ADCY8: variants seen among roughly 807,000 people sequenced by gnomAD.
ADCY8 encodes adenylate cyclase 8, also known as adenylate cyclase type 8.
Under a neutral mutation model 119.7 loss-of-function variants are expected in ADCY8, and 51 were observed. That is an observed-to-expected ratio of 0.43 (90% confidence interval 0.34 to 0.54). The LOEUF (loss-of-function observed/expected upper bound fraction) is 0.54, where lower values mean the gene tolerates loss of function less well. ADCY8 is among the 20% of genes least tolerant of loss of function. The pLI, the probability that ADCY8 is intolerant of heterozygous loss-of-function variation, is 0.03. For synonymous variants in ADCY8, 665 were observed against 651.0 expected (o/e 1.02, Z -0.33); for missense variants, 1,383 against 1,598.8 (o/e 0.87, Z 2.30).
chr8:130,882,481 C>T (rs775231232), intron 8 of ADCY8, among the ~76,000 whole-genome samples: 27 of 152,212 alleles, frequency 1.8e-4, no homozygotes, highest in South Asian at 2.1e-4. Flanking sequence ...GAAGACAGCA[C>T]GGGATTGTCT....
chr8:130,843,083 A>G (rs1586470700), intron 11 of ADCY8, among the ~76,000 whole-genome samples: 1 of 152,098 alleles, frequency 6.6e-6, no homozygotes, highest in African/African-American at 2.4e-5. Context: ...TTATTCTAGG[A>G]CACATATTAA....
At chr8:130,837,638 C>T (rs569320770) in intron 11 of ADCY8, among the ~76,000 whole-genome samples, 1 of 152,326 alleles carries the variant, frequency 6.6e-6, no homozygotes, top group Admixed American at 6.5e-5. Context: ...AGCTCCCCAG[C>T]CTATTCCTTC....
At chr8:130,883,096 G>T (rs1180018684) in intron 8 of ADCY8, among the ~76,000 whole-genome samples, 1 of 150,774 alleles carries the variant, frequency 6.6e-6, no homozygotes, top group Admixed American at 6.6e-5. Flanking sequence ...CCTTAGATGT[G>T]AATGCTATTA....
chr8:130,997,249 A>G (rs1822806875), intron 1 of ADCY8, among the ~76,000 whole-genome samples: 4 of 151,690 alleles, frequency 2.6e-5, no homozygotes, highest in African/African-American at 7.2e-5. Flanking sequence ...ATATACATAT[A>G]TACATATACA....
intron 1 of ADCY8, among the ~76,000 whole-genome samples, chr8:131,034,630 C>G (rs771880226): frequency 6.6e-6 from 1 of 152,098 alleles, no homozygotes; most frequent in Non-Finnish European, 1.5e-5. Flanking sequence ...TTAAATCTGA[C>G]AGCATGACCT....
intron 1 of ADCY8, among the ~76,000 whole-genome samples, chr8:130,998,748 T>C (rs1438860326): frequency 6.6e-6 from 1 of 152,106 alleles, no homozygotes; most frequent in Non-Finnish European, 1.5e-5. Flanking sequence ...GGTGATGAGA[T>C]AGGGCCACAC....
At chr8:131,031,565 C>T (rs906150937) in intron 1 of ADCY8, among the ~76,000 whole-genome samples, 2 of 152,074 alleles carry the variant, frequency 1.3e-5, no homozygotes, top group South Asian at 2.1e-4. Flanking sequence ...TACAGTGGGG[C>T]CTAATGAGAG....
intron 12 of ADCY8, among the ~76,000 whole-genome samples, chr8:130,824,096 G>A (rs888949239): frequency 6.6e-6 from 1 of 152,160 alleles, no homozygotes; most frequent in Non-Finnish European, 1.5e-5. Flanking sequence ...GAGCCAGGAT[G>A]AGAACTCATA....
At chr8:131,004,560 TA>T (rs1823056129) in intron 1 of ADCY8, among the ~76,000 whole-genome samples, 1 of 152,220 alleles carries the variant, frequency 6.6e-6, no homozygotes, top group Admixed American at 6.5e-5. Flanking sequence ...GCTCACCCAT[TA>T]TGAACTCTGT....
At chr8:130,925,813 T>C (rs2130595855) in intron 5 of ADCY8, among the ~76,000 whole-genome samples, 1 of 152,334 alleles carries the variant, frequency 6.6e-6, no homozygotes, top group African/African-American at 2.4e-5. Flanking sequence ...CTTTGATGTG[T>C]TATCATCCCA....
chr8:130,924,958 C>T (rs1408568066), intron 5 of ADCY8, among the ~76,000 whole-genome samples: 1 of 151,462 alleles, frequency 6.6e-6, no homozygotes, highest in Admixed American at 6.6e-5. Context: ...CCTGTAATCC[C>T]AGCACTTTGG....
chr8:130,894,941 A>G (rs1819331763), intron 7 of ADCY8, among the ~76,000 whole-genome samples: 1 of 152,156 alleles, frequency 6.6e-6, no homozygotes, highest in Non-Finnish European at 1.5e-5. Context: ...GCTGTGTCAA[A>G]CAATAAAAGT....
At chr8:130,998,539 T>C (rs1333550994) in intron 1 of ADCY8, among the ~76,000 whole-genome samples, 4 of 152,134 alleles carry the variant, frequency 2.6e-5, no homozygotes, top group Admixed American at 2.6e-4. Flanking sequence ...AGCTTTTCTC[T>C]CCATGAGATG....
rs1054114260 is a variant in ADCY8 at position 131,040,412 on chromosome 8, C to T, written c.-79G>A. 24 of 1,398,078 alleles carry T rather than the reference C, an allele frequency of 1.7e-5. No homozygotes were observed. Among genetic ancestry groups the T allele is most frequent in the Admixed American group, 2.9e-5 (1 of 33,996 alleles). 86.6% of individuals were successfully genotyped at this position (1,398,078 alleles called of 1,614,324 possible). On this transcript the variant is annotated 5_prime_UTR_variant, in exon 1 of 18. Transcript: ENST00000286355. ...GGGGTTCCTAAAGACTCAAAGGCGG[C>T]CTGGTAGGAGCTTGGCAAGGATCCT...
chr8:130,965,447 C>T (rs1347123723), intron 2 of ADCY8, among the ~76,000 whole-genome samples: 1 of 152,100 alleles, frequency 6.6e-6, no homozygotes, highest in Non-Finnish European at 1.5e-5. Context: ...TATACCAATG[C>T]AACAAACCTG....
chr8:130,959,654 G>C (rs1180035919), intron 2 of ADCY8, among the ~76,000 whole-genome samples: 2 of 152,198 alleles, frequency 1.3e-5, no homozygotes, highest in African/African-American at 4.8e-5. Context: ...CAGAGTGAAA[G>C]GATTAACTTA....
chr8:130,876,780 T>C (rs916135460), intron 8 of ADCY8, among the ~76,000 whole-genome samples: 14 of 152,194 alleles, frequency 9.2e-5, no homozygotes, highest in Non-Finnish European at 2.1e-4. Context: ...TTTTGGTCTC[T>C]ATGGTATATT....
intron 9 of ADCY8, among the ~76,000 whole-genome samples, chr8:130,862,141 T>A (rs1170249158): frequency 6.6e-6 from 1 of 152,182 alleles, no homozygotes; most frequent in East Asian, 1.9e-4. Flanking sequence ...GTAACTAGAT[T>A]TTAATTTTGT....
chr8:130,925,001 G>T (rs578112607), intron 5 of ADCY8, among the ~76,000 whole-genome samples: 1 of 147,232 alleles, frequency 6.8e-6, no homozygotes, highest in Non-Finnish European at 1.5e-5. Context: ...AAGGTCAGGA[G>T]ATAGAAACAC....
Sources: gnomAD v4.1 joint callset for allele counts (sites outside exome capture counted in the v4.1 genomes callset) on GRCh38, gnomAD v4.1.1 for gene constraint, MANE v1.5 for transcripts, NCBI Gene and HGNC (gene_info 2026-07-23, HGNC 2026-07-21) for gene names.